Variants in FAM120A observed in about 807,000 individuals in gnomAD.
FAM120A encodes the protein family with sequence similarity 120 member A.
A neutral mutation model predicts 109.7 loss-of-function variants in FAM120A; 15 were observed. The ratio of observed to expected loss-of-function variants is 0.14; its 90% CI spans 0.09 to 0.21. The LOEUF (loss-of-function observed/expected upper bound fraction) is 0.21, where lower values mean the gene tolerates loss of function less well. Ranked by LOEUF, FAM120A falls within the 10% of genes least tolerant of loss-of-function variation. The pLI is 1.00. For missense variants in FAM120A, 899 were observed against 1,439.3 expected, an observed-to-expected ratio of 0.62 and a Z score of 6.07; for synonymous variants, 493 against 572.8, an observed-to-expected ratio of 0.86 and a Z score of 1.99.
chr9:93,551,926 T>C (rs894130161), intron 12 of FAM120A, among the ~76,000 whole-genome samples: 1 of 152,224 alleles, frequency 6.6e-6, no homozygotes, highest in Non-Finnish European at 1.5e-5. Flanking sequence ...GTTTTCAATG[T>C]TTGGTCAGGT....
chr9:93,537,493 C>T (rs572074325), intron 10 of FAM120A, among the ~76,000 whole-genome samples: 1 of 151,444 alleles, frequency 6.6e-6, no homozygotes, highest in Non-Finnish European at 1.5e-5. Flanking sequence ...TCCCTAATAC[C>T]TCAAAATTAA....
At position 93,505,725 on chromosome 9, in the gene FAM120A, T is replaced by C. The variant is rs116198462; in HGVS notation, c.1030+6839T>C. Among the ~76,000 whole-genome samples the C allele has an allele frequency of 7.7e-3, 1,168 of 152,342 alleles. 15 individuals are homozygous for C. The highest frequency in any genetic ancestry group is 0.027 in the African/African-American group (1,122 of 41,572). Reference sequence around the variant, plus strand: ...TGGTTGATAGATATGTGTGGCTTATTGTACAGTTCCCTTTTTTCTTGTGTT... The same window carrying C: ...TGGTTGATAGATATGTGTGGCTTATCGTACAGTTCCCTTTTTTCTTGTGTT... On this transcript the variant is annotated intron_variant, in intron 5 of 17. Coordinates refer to ENST00000277165, the MANE Select transcript of FAM120A (RefSeq NM_014612.5).
chr9:93,563,660 G>T (rs923458967), intron 17 of FAM120A, among the ~76,000 whole-genome samples: 2 of 152,212 alleles, frequency 1.3e-5, no homozygotes, highest in African/African-American at 4.8e-5. Context: ...AAATGTGCTG[G>T]ATTAGTCTCA....
At chr9:93,466,762 T>G (rs1858040383) in intron 1 of FAM120A, among the ~76,000 whole-genome samples, 1 of 152,192 alleles carries the variant, frequency 6.6e-6, no homozygotes, top group Non-Finnish European at 1.5e-5. Context: ...CTCACTGATG[T>G]CTCATGGCTA....
intron 5 of FAM120A, among the ~76,000 whole-genome samples, chr9:93,499,484 C>T (rs1247592767): frequency 1.3e-5 from 2 of 151,898 alleles, no homozygotes; most frequent in African/African-American, 2.4e-5. Flanking sequence ...GATGGGGTTT[C>T]ACCATGTTGG....
Position 93,497,501 on chromosome 9 carries a change from T to C in FAM120A, c.835T>C (p.Cys279Arg), listed in dbSNP as rs1859622512. ...VRAHQLVLPP[C>R]DVVIKAVADY... is the part of the protein sequence containing the mutation. ...GGCCCACCAGCTGGTCTTGCCACCT[T>C]GCGACGTAGTGATCAAAGCCGTTGC... The change falls in exon 4 of 18, where the codon TGC (cysteine) becomes CGC (arginine). Residue 279 changes from cysteine (C) to arginine (R), a missense_variant. Coordinates refer to ENST00000277165, the MANE Select transcript of FAM120A (RefSeq NM_014612.5). 1 of 1,613,626 alleles carries C rather than the reference T, an allele frequency of 6.2e-7. No homozygotes were observed.
chr9:93,558,598 G>A lies in FAM120A; in HGVS notation c.2686G>A (p.Gly896Ser), dbSNP rs971214073. ...RGFAGVCGFG[G>S]PYGETVATGP... ...TCCCACAGGCGTCTGTGGCTTTGGA[G>A]GCCCCTATGGGGAAACGGTAGCAAC... The change falls in exon 15 of 18, where the codon GGC becomes AGC. Residue 896 changes from glycine to serine, a missense_variant. Physicochemically the swap from Gly to Ser is moderately conservative, Grantham distance 56. This residue lies in a region of FAM120A where 129 missense variants were observed against 153.4 expected (regional missense o/e 0.84). Coordinates refer to ENST00000277165, the MANE Select transcript of FAM120A (RefSeq NM_014612.5). 1 of 1,614,162 alleles carries A rather than the reference G, an allele frequency of 6.2e-7. No individual in the cohort carries two copies. The highest frequency in any genetic ancestry group is 2.2e-5 in the East Asian group (1 of 44,882).
At chr9:93,558,844 G>A in intron 15 of FAM120A, 126 bp downstream of exon 15, 1 of 1,105,142 alleles carries the variant, frequency 9.0e-7, no homozygotes. Context: ...TTTCTTCTGG[G>A]TCCCCGCTCT....
chr9:93,529,518 G>T lies in FAM120A; in HGVS notation c.1672G>T (p.Val558Leu). 1 of 1,614,232 alleles carries T rather than the reference G, an allele frequency of 6.2e-7. No individual in the cohort carries two copies. Among genetic ancestry groups the T allele is most frequent in the Non-Finnish European group, 8.5e-7 (1 of 1,180,028 alleles). The change falls in exon 9 of 18, where the codon GTG becomes TTG. Residue 558 changes from valine to leucine, a missense_variant. Coordinates refer to ENST00000277165, the MANE Select transcript of FAM120A (RefSeq NM_014612.5). ...CCCCGTCGCACCTGAGGTGCTGAGA[G>T]TGGCCGAGCACAGGCACAAGAAGGG... ...LPPVAPEVLR[V>L]AEHRHKKGLM... is the part of the protein sequence containing the mutation.
intron 11 of FAM120A, among the ~76,000 whole-genome samples, chr9:93,549,267 T>C (rs1470270316): frequency 6.6e-6 from 1 of 152,232 alleles, no homozygotes; most frequent in African/African-American, 2.4e-5. Flanking sequence ...AAATTGCATT[T>C]ACATCCTACT....
At chr9:93,560,589 A>G (rs1360789346) in intron 15 of FAM120A, among the ~76,000 whole-genome samples, 2 of 152,232 alleles carry the variant, frequency 1.3e-5, no homozygotes, top group Admixed American at 6.5e-5. Context: ...CCAATTAGCA[A>G]TTAGAGAATT....
rs118153813 is a variant in FAM120A at position 93,549,607 on chromosome 9, C to T, written c.2160-970C>T. Among the ~76,000 whole-genome samples, 42 of 152,342 alleles carry T rather than the reference C, an allele frequency of 2.8e-4. No individual in the cohort carries two copies. The East Asian group carries it at 7.9e-3, about 29-fold the overall frequency. On this transcript the variant is annotated intron_variant, in intron 11 of 17. Transcript: ENST00000277165. The stretch of plus-strand genomic sequence containing the variant: ...GTTTTGTTAACTCAGATTTTAAGCA[C>T]TGAGCAAACTTACTCTGCAGATGGG...
intron 3 of FAM120A, among the ~76,000 whole-genome samples, chr9:93,491,373 G>T: frequency 6.6e-6 from 1 of 152,204 alleles, no homozygotes; most frequent in Non-Finnish European, 1.5e-5. Context: ...CCTGGGTCAG[G>T]TTTGGTGGCA....
At chr9:93,526,867 G>A (rs915380867) in intron 7 of FAM120A, among the ~76,000 whole-genome samples, 2 of 152,224 alleles carry the variant, frequency 1.3e-5, no homozygotes, top group African/African-American at 4.8e-5. Context: ...GCTTGCCTTT[G>A]TTTCCTCTGC....
chr9:93,561,973 C>A (rs985321116), intron 16 of FAM120A, among the ~76,000 whole-genome samples: 2 of 152,074 alleles, frequency 1.3e-5, no homozygotes, highest in African/African-American at 4.8e-5. Context: ...TCATACTTAA[C>A]CTGTTTACGC....
chr9:93,499,314 G>A (rs995607954), intron 5 of FAM120A, among the ~76,000 whole-genome samples: 2 of 151,200 alleles, frequency 1.3e-5, no homozygotes, highest in Admixed American at 6.6e-5. Context: ...GTTGAGCAGA[G>A]TATTGCACTG....
chr9:93,474,586 G>A (rs930349906), intron 2 of FAM120A, among the ~76,000 whole-genome samples: 3 of 151,488 alleles, frequency 2.0e-5, no homozygotes, highest in South Asian at 4.2e-4. Context: ...CGGACACTTC[G>A]TTCTTTTTTT....
chr9:93,553,760 G>A (rs1476282744), intron 12 of FAM120A, among the ~76,000 whole-genome samples: 1 of 152,182 alleles, frequency 6.6e-6, no homozygotes, highest in Non-Finnish European at 1.5e-5. Flanking sequence ...TGACCCGTCT[G>A]TACAAGGGAG....
At chr9:93,522,956 C>T (rs1329808929) in intron 7 of FAM120A, among the ~76,000 whole-genome samples, 1 of 152,168 alleles carries the variant, frequency 6.6e-6, no homozygotes, top group Non-Finnish European at 1.5e-5. Context: ...CCGGTTTGCT[C>T]AGAGTCTCTT....
Sources: allele counts gnomAD v4.1 joint callset (sites outside exome capture counted in the v4.1 genomes callset), GRCh38; gene constraint gnomAD v4.1.1; regional missense constraint gnomAD v4.1.1; transcripts MANE v1.5; gene names NCBI Gene and HGNC (gene_info 2026-07-23, HGNC 2026-07-21).